The following CNTNAP3 variants were observed in gnomAD, a reference collection of about 807,000 sequenced individuals.
CNTNAP3 encodes the protein contactin-associated protein-like 3.
CNTNAP3 carries 36 observed loss-of-function variants against 92.1 expected under a neutral mutation model. That is an observed-to-expected ratio of 0.39 (90% CI 0.30 to 0.52). The LOEUF is 0.52. Among genes scored for constraint, CNTNAP3 ranks in the 20% least tolerant of loss-of-function variants. The probability of loss-of-function intolerance (pLI) is 0.76; values close to 1 mark genes in which losing one functional copy is unlikely to be tolerated. For synonymous variants in CNTNAP3, 232 were observed against 422.3 expected (o/e 0.55, Z 5.53); for missense variants, 534 against 1,069.6 (o/e 0.50, Z 6.98).
Position 39,153,886 on chromosome 9 carries a change from G to A in CNTNAP3, c.1478-3909C>T, listed in dbSNP as rs1821894954. Among the ~76,000 whole-genome samples the A allele has an allele frequency of 1.4e-5, 2 of 147,290 alleles. 1 individual carries two copies. Among genetic ancestry groups the A allele is most frequent in the Non-Finnish European group, 3.0e-5 (2 of 66,980 alleles). Reference sequence around the variant, plus strand: ...AACTTTCTATTAAAATAAATCTAGTGAGATCCAGAAATCCACATCCACCAG... The same window carrying A: ...AACTTTCTATTAAAATAAATCTAGTAAGATCCAGAAATCCACATCCACCAG... On this transcript the variant is annotated intron_variant, in intron 9 of 23. Coordinates refer to ENST00000297668, the MANE Select transcript of CNTNAP3 (RefSeq NM_033655.5).
intron 13 of CNTNAP3, among the ~76,000 whole-genome samples, chr9:39,121,812 G>C (rs1174142383): frequency 6.6e-6 from 1 of 152,112 alleles, no homozygotes; most frequent in African/African-American, 2.4e-5. Context: ...TAAGACATAA[G>C]GGGAGGGAAG....
Position 39,133,151 on chromosome 9 carries a change from C to T in CNTNAP3, c.1877-16G>A, listed in dbSNP as rs1367710623. On this transcript the variant is annotated splice_polypyrimidine_tract_variant and intron_variant, in intron 12 of 23. Coordinates refer to ENST00000297668, the MANE Select transcript of CNTNAP3 (RefSeq NM_033655.5). Reference sequence around the variant, plus strand: ...GCGGCGTCTGCTGAGCAGAAACGGGCAAAGGAGAGGCATCACTGGACGGCA... The same window carrying T: ...GCGGCGTCTGCTGAGCAGAAACGGGTAAAGGAGAGGCATCACTGGACGGCA... 1.9e-6 allele frequency: 3 copies of T among 1,567,330 alleles called. No individual in the cohort carries two copies. Among genetic ancestry groups the T allele is most frequent in the Non-Finnish European group, 1.7e-6 (2 of 1,161,730 alleles).
intron 15 of CNTNAP3, among the ~76,000 whole-genome samples, chr9:39,107,355 T>C (rs1460330642): frequency 9.9e-6 from 1 of 101,128 alleles, no homozygotes; most frequent in African/African-American, 3.8e-5. Context: ...CCAGACTGAA[T>C]GGGAGGGAGG....
At chr9:39,077,414 AG>A (rs1382063769) in intron 23 of CNTNAP3, among the ~76,000 whole-genome samples, 1 of 113,720 alleles carries the variant, frequency 8.8e-6, no homozygotes, top group Non-Finnish European at 2.2e-5. Context: ...AAAAATAGCC[AG>A]GCGTGGTGGC....
rs201678180 is a variant in CNTNAP3, at chr9:39,118,307, C to T, written c.2081-48G>A. ...ATGACATCTACTTTGTCCCTCACTACCACCCTCCCCATATAGCTCCCTTTA... is the reference window on the plus strand; with the variant it reads ...ATGACATCTACTTTGTCCCTCACTATCACCCTCCCCATATAGCTCCCTTTA... On this transcript the variant is annotated intron_variant, in intron 13 of 23. Transcript: ENST00000297668. 2,613 of 1,605,274 alleles carry T rather than the reference C, an allele frequency of 1.6e-3. 23 individuals are homozygous for T. The highest frequency in any genetic ancestry group is 9.1e-3 in the East Asian group (407 of 44,720).
chr9:39,101,000 T>C (rs1046565982), intron 17 of CNTNAP3, among the ~76,000 whole-genome samples: 3 of 150,950 alleles, frequency 2.0e-5, no homozygotes, highest in African/African-American at 7.3e-5. Flanking sequence ...CTGAAGCCAG[T>C]GATTCATCCA....
chr9:39,104,477 T>TACACACACACACACACACACACAC (rs60068368), intron 15 of CNTNAP3, among the ~76,000 whole-genome samples: 2 of 123,182 alleles, frequency 1.6e-5, no homozygotes, highest in African/African-American at 3.1e-5. Context: ...CACATACACA[T>TACACACACACACACACACACACAC]ACACACACAC....
intron 12 of CNTNAP3, among the ~76,000 whole-genome samples, chr9:39,138,227 T>C (rs1164451560): frequency 6.6e-6 from 1 of 152,090 alleles, no homozygotes; most frequent in Non-Finnish European, 1.5e-5. Context: ...AAAGTAACTG[T>C]AACTGCTGTA....
chr9:39,249,443 G>C lies in CNTNAP3; in HGVS notation c.197-10257C>G, dbSNP rs1488379384. On this transcript the variant is annotated intron_variant, in intron 2 of 23. Transcript: ENST00000297668. The stretch of plus-strand genomic sequence containing the variant: ...AGAGACAGTCCACTTTAAGCAGCTT[G>C]CACTCCTACATGTTTTGTTGGGTCT... Among the ~76,000 whole-genome samples the C allele has an allele frequency of 2.2e-4, 2 of 9,230 alleles. 1 individual carries two copies. The highest frequency in any genetic ancestry group is 2.3e-4 in the African/African-American group (2 of 8,606). 6.1% of individuals were successfully genotyped at this position (9,230 alleles called of 152,430 possible). A position where few individuals can be genotyped will look rare whatever the true frequency, so the allele number is the denominator to read the frequency against.
rs62568838 is a variant in CNTNAP3, at chr9:39,067,589, G to A, written c.*6301C>T. Among the ~76,000 whole-genome samples, 5,616 of 143,500 alleles carry A rather than the reference G, an allele frequency of 0.039. No individual in the cohort carries two copies. Among genetic ancestry groups the A allele is most frequent in the Admixed American group, 0.088 (1,242 of 14,090 alleles). 94.1% of individuals were successfully genotyped at this position (143,500 alleles called of 152,430 possible). On this transcript the variant is annotated 3_prime_UTR_variant, in exon 24 of 24. Transcript: ENST00000297668. ...ATTTTTGTATGTTTAGTAGAGACGG[G>A]GTTTCCACCTTGTTAGCAGGATGGT... is the stretch of plus-strand genomic sequence containing the variant.
Position 39,108,469 on chromosome 9 carries a change from CCA to C in CNTNAP3, c.2365+689_2365+690del, listed in dbSNP as rs540978892. On this transcript the variant is annotated intron_variant, in intron 15 of 23. Transcript: ENST00000297668. Reference sequence around the variant, plus strand: ...GAACCACCTCTCTCAGAAGTAGCCTCCACACATTGAGGTAGAGCAGGAAATAA... The same window carrying C: ...GAACCACCTCTCTCAGAAGTAGCCTCCACATTGAGGTAGAGCAGGAAATAA... Among the ~76,000 whole-genome samples the C allele has an allele frequency of 1.4e-4, 21 of 152,290 alleles. No individual in the cohort carries two copies. The South Asian group carries it at 4.4e-3, about 32-fold the overall frequency.
rs1825658745 is a variant in CNTNAP3, at chr9:39,072,856, T to A, written c.*1034A>T. 1 of 152,946 alleles carries A rather than the reference T, an allele frequency of 6.5e-6. No individual in the cohort carries two copies. Among genetic ancestry groups the A allele is most frequent in the South Asian group, 2.1e-4 (1 of 4,844 alleles). The allele number at this position is 152,946 out of a possible 1,614,324, so 9.5% of individuals were successfully genotyped here. ...AAATCAAAAGCATATCAGTAACAAC[T>A]TTTAGAAAAAGAAATGAATGATAAA... On this transcript the variant is annotated 3_prime_UTR_variant, in exon 24 of 24. Coordinates refer to ENST00000297668, the MANE Select transcript of CNTNAP3 (RefSeq NM_033655.5).
At chr9:39,097,604 C>T (rs1826356922) in intron 18 of CNTNAP3, among the ~76,000 whole-genome samples, 1 of 151,640 alleles carries the variant, frequency 6.6e-6, no homozygotes, top group South Asian at 2.1e-4. Context: ...AGCTTCTGTC[C>T]TACAAAACTG....
chr9:39,159,288 A>G (rs2118183725), intron 9 of CNTNAP3: 1 of 148,198 alleles, frequency 6.7e-6, no homozygotes, highest in East Asian at 1.9e-4. Context: ...AAACAAAATA[A>G]AACACAGAAA....
chr9:39,121,360 A>C (rs376584725), intron 13 of CNTNAP3, among the ~76,000 whole-genome samples: 1 of 152,294 alleles, frequency 6.6e-6, no homozygotes, highest in East Asian at 1.9e-4. Context: ...ATATGCAAGA[A>C]ACAATACACC....
chr9:39,067,773 T>C lies in CNTNAP3; in HGVS notation c.*6117A>G, dbSNP rs1825541433. ...ATGCCAATTAGTTATTGGAAACGGTTTGATCTTTTTTTCCAAATCTTTGAA... is the reference window on the plus strand; with the variant it reads ...ATGCCAATTAGTTATTGGAAACGGTCTGATCTTTTTTTCCAAATCTTTGAA... On this transcript the variant is annotated 3_prime_UTR_variant, in exon 24 of 24. Transcript: ENST00000297668. 6.6e-6 allele frequency among the ~76,000 whole-genome samples: 1 copy of C among 152,308 alleles called. No individual in the cohort carries two copies. The highest frequency in any genetic ancestry group is 2.4e-5 in the African/African-American group (1 of 41,486).
At chr9:39,077,980 C>T (rs949202071) in intron 23 of CNTNAP3, among the ~76,000 whole-genome samples, 54 of 152,194 alleles carry the variant, frequency 3.5e-4, no homozygotes, top group African/African-American at 1.3e-3. Context: ...CTGAGGCGGG[C>T]AGATCACTTG....
rs573562610 is a variant in CNTNAP3 at position 39,143,616 on chromosome 9, G to A, written c.1756+624C>T. 2.5e-3 allele frequency among the ~76,000 whole-genome samples: 386 copies of A among 152,244 alleles called. 4 individuals carry two copies. The highest frequency in any genetic ancestry group is 8.8e-3 in the African/African-American group (365 of 41,536). On this transcript the variant is annotated intron_variant, in intron 11 of 23. Transcript: ENST00000297668. ...TTAATATATGCAAAGCAATAGCAGA[G>A]GGCTGACATAAGTACTCAATACATT... is the stretch of plus-strand genomic sequence containing the variant.
intron 12 of CNTNAP3, among the ~76,000 whole-genome samples, chr9:39,137,523 G>GT (rs1187240736): frequency 1.3e-5 from 2 of 151,448 alleles, no homozygotes; most frequent in Admixed American, 6.6e-5. Context: ...TTGTTTTTTG[G>GT]TTTTTTTGAG....
Sources: gnomAD v4.1 joint callset for allele counts (sites outside exome capture counted in the v4.1 genomes callset) on GRCh38, gnomAD v4.1.1 for gene constraint, MANE v1.5 for transcripts, NCBI Gene and HGNC (gene_info 2026-07-23, HGNC 2026-07-21) for gene names.